Variants in ETFA observed in about 807,000 individuals in gnomAD.
ETFA encodes electron transfer flavoprotein subunit alpha, also known as electron transfer flavoprotein subunit alpha, mitochondrial.
A neutral mutation model predicts 46.2 loss-of-function variants in ETFA; 22 were observed. The ratio of observed to expected loss-of-function variants is 0.48; its 90% CI spans 0.34 to 0.68. The LOEUF (loss-of-function observed/expected upper bound fraction) is 0.68. Among genes scored for constraint, ETFA ranks in the 30% least tolerant of loss-of-function variants. The probability of loss-of-function intolerance (pLI) is 0.01; values close to 1 mark genes in which losing one functional copy is unlikely to be tolerated. For missense variants in ETFA, 345 were observed against 401.1 expected, an observed-to-expected ratio of 0.86 and a Z score of 1.19; for synonymous variants, 131 against 139.9, an observed-to-expected ratio of 0.94 and a Z score of 0.45.
intron 9 of ETFA, 118 bp downstream of exon 9, chr15:76,274,294 A>G (rs764012501): frequency 2.5e-6 from 2 of 794,362 alleles, no homozygotes; most frequent in Non-Finnish European, 4.4e-6. Flanking sequence ...TCACCATGGT[A>G]CTGGCTAACT....
intron 8 of ETFA, among the ~76,000 whole-genome samples, chr15:76,283,271 C>A (rs963376253): frequency 6.6e-6 from 1 of 151,998 alleles, no homozygotes; most frequent in Non-Finnish European, 1.5e-5. Context: ...AGTGCACTGT[C>A]GCCTCCACCT....
Position 76,285,676 on chromosome 15 carries a change from GA to G in ETFA, c.624del (p.Arg209AspfsTer4), listed in dbSNP as rs1596218695. 3.7e-6 allele frequency: 6 copies of G among 1,612,088 alleles called. No individual in the cohort carries two copies. The highest frequency in any genetic ancestry group is 4.2e-6 in the Non-Finnish European group (5 of 1,178,378). Reference protein sequence around the residue: ...EWLDQKLTKSDRPELTGAKVV... With the variant: ...EWLDQKLTKSXRPELTGAKVV... Reference sequence around the variant, plus strand: ...ACTTTGGCACCTGTTAGCTCTGGTCGATCACTTTTTGTTAATTTCTGGTCAA... The same window carrying G: ...ACTTTGGCACCTGTTAGCTCTGGTCGTCACTTTTTGTTAATTTCTGGTCAA... On this transcript the variant is annotated frameshift_variant, in exon 7 of 12. Coordinates refer to ENST00000557943, the MANE Select transcript of ETFA (RefSeq NM_000126.4). LOFTEE classifies it high-confidence loss of function.
At chr15:76,274,205 GAAT>G in intron 9 of ETFA, 1 of 564,934 alleles carries the variant, frequency 1.8e-6, no homozygotes, top group East Asian at 3.0e-5. Flanking sequence ...TAAAATACTT[GAAT>G]AATAAGCTGG....
intron 6 of ETFA, among the ~76,000 whole-genome samples, chr15:76,285,999 G>C (rs2039701683): frequency 6.6e-6 from 1 of 152,122 alleles, no homozygotes; most frequent in Non-Finnish European, 1.5e-5. Context: ...CTTTCTATGA[G>C]GTTCAAATAA....
At chr15:76,218,767 A>G (rs1312683590) in intron 11 of ETFA, among the ~76,000 whole-genome samples, 3 of 152,204 alleles carry the variant, frequency 2.0e-5, no homozygotes, top group Non-Finnish European at 2.9e-5. Context: ...TTTTTAAAAA[A>G]AGACAACCTA....
intron 11 of ETFA, among the ~76,000 whole-genome samples, chr15:76,222,208 AT>A (rs1283622503): frequency 1.0e-4 from 15 of 149,012 alleles, no homozygotes; most frequent in African/African-American, 3.6e-4. Flanking sequence ...ATATAAATAT[AT>A]TTTTTAAAAT....
chr15:76,302,458 T>C (rs896476376), intron 1 of ETFA, among the ~76,000 whole-genome samples: 1 of 146,746 alleles, frequency 6.8e-6, no homozygotes, highest in Admixed American at 7.1e-5. Context: ...CGCAAAACTA[T>C]AGAAACAGTA....
chr15:76,290,605 TG>T (rs1253052101), intron 4 of ETFA, among the ~76,000 whole-genome samples: 2 of 152,082 alleles, frequency 1.3e-5, no homozygotes, highest in African/African-American at 2.4e-5. Flanking sequence ...CCCAAAGTGC[TG>T]GGATTACAGG....
intron 8 of ETFA, among the ~76,000 whole-genome samples, chr15:76,280,057 C>T (rs2141523307): frequency 6.6e-6 from 1 of 151,850 alleles, no homozygotes; most frequent in South Asian, 2.1e-4. Context: ...CACCACTGCA[C>T]CTGGCCTGGG....
chr15:76,271,184 AAAAAAAGTTTGAGG>A (rs892376116), intron 9 of ETFA, among the ~76,000 whole-genome samples: 39 of 152,124 alleles, frequency 2.6e-4, no homozygotes, highest in Non-Finnish European at 5.7e-4. Context: ...AAAAAAAAAA[AAAAAAAGTTTGAGG>A]AAAACTGGGA....
chr15:76,285,288 G>C (rs971591224), intron 7 of ETFA, among the ~76,000 whole-genome samples: 1 of 152,196 alleles, frequency 6.6e-6, no homozygotes, highest in Non-Finnish European at 1.5e-5. Context: ...TTATACACAA[G>C]ATGGCCCTGA....
At chr15:76,253,306 TA>T (rs1450237671) in intron 9 of ETFA, among the ~76,000 whole-genome samples, 1 of 152,122 alleles carries the variant, frequency 6.6e-6, no homozygotes, top group African/African-American at 2.4e-5. Flanking sequence ...AAAAAGCATT[TA>T]AAAAAATAAC....
Position 76,292,440 on chromosome 15 carries a change from G to C in ETFA, c.342C>G (p.Ala114=). The C allele has an allele frequency of 6.2e-7, 1 of 1,612,016 alleles. No homozygotes were observed. The highest frequency in any genetic ancestry group is 2.2e-5 in the East Asian group (1 of 44,862). ...TTCTCAACCTTCTCACCTTTCCGAA[G>C]GCAGATGCTCCAGCACAGATGTGTG... ...NYTHICAGAS[A]FGKNLLPRVA... is the part of the protein sequence containing the mutation. Residue 114 remains alanine (A), a synonymous_variant, in exon 4 of 12, where the codon GCC becomes GCG. Transcript: ENST00000557943.
chr15:76,246,781 C>T (rs2039246914), intron 9 of ETFA, among the ~76,000 whole-genome samples: 3 of 151,022 alleles, frequency 2.0e-5, no homozygotes, highest in African/African-American at 4.9e-5. Flanking sequence ...TGCAGTGAGC[C>T]GAGATCATGC....
intron 1 of ETFA, among the ~76,000 whole-genome samples, chr15:76,304,679 A>T (rs1425839272): frequency 6.7e-6 from 1 of 148,366 alleles, no homozygotes; most frequent in Non-Finnish European, 1.5e-5. Context: ...AAAAAAAAAA[A>T]TTGGGGGAAA....
At chr15:76,283,907 T>A in intron 7 of ETFA, 82 bp from the exon 8 acceptor site, 1 of 927,544 alleles carries the variant, frequency 1.1e-6, no homozygotes, top group Non-Finnish European at 1.7e-6. Flanking sequence ...TATACTGGAG[T>A]AAATTTTCAT....
rs1212819351 is a variant in ETFA, at chr15:76,292,685, A to G, written c.202T>C (p.Cys68Arg). Residue 68 changes from cysteine (C) to arginine (R), a missense_variant, in exon 3 of 12, where the codon TGT (cysteine) becomes CGT (arginine). By Grantham distance (180) the Cys-to-Arg change is radical (BLOSUM62 -3). Coordinates refer to ENST00000557943, the MANE Select transcript of ETFA (RefSeq NM_000126.4). ...TKCDKVAQDL[C>R]KVAGIAKVLV... ...ACTTTTGCTATGCCTGCTACTTTAC[A>G]GAGATCTTGTGCCACCTATGATTAA... 1 of 1,612,082 alleles carries G rather than the reference A, an allele frequency of 6.2e-7. No individual in the cohort carries two copies. The highest frequency in any genetic ancestry group is 1.3e-5 in the African/African-American group (1 of 74,878).
intron 9 of ETFA, among the ~76,000 whole-genome samples, chr15:76,250,183 G>GCA (rs2039283968): frequency 6.6e-6 from 1 of 150,868 alleles, no homozygotes; most frequent in Admixed American, 6.6e-5. Context: ...AATGCTACCT[G>GCA]CATTAACAAA....
At chr15:76,283,332 C>T (rs532997840) in intron 8 of ETFA, among the ~76,000 whole-genome samples, 148 of 152,132 alleles carry the variant, frequency 9.7e-4, no homozygotes, top group Non-Finnish European at 1.5e-3. Flanking sequence ...CCTGGGACTA[C>T]AAGCACACAC....
Sources: gnomAD v4.1 joint callset for allele counts (sites outside exome capture counted in the v4.1 genomes callset) on GRCh38, gnomAD v4.1.1 for gene constraint, MANE v1.5 for transcripts, NCBI Gene and HGNC (gene_info 2026-07-23, HGNC 2026-07-21) for gene names.